The following ZNF492 variants were observed in gnomAD, a reference collection of about 807,000 sequenced individuals.
ZNF492 encodes zinc finger protein 492.
In ZNF492, 3 loss-of-function variants were observed where a neutral mutation model predicts 6.4. That is an observed-to-expected ratio of 0.47 (90% CI 0.21 to 1.22). The LOEUF is 1.22. ZNF492 is among the 50% of genes most tolerant of loss of function. The pLI is 0.22. For missense variants in ZNF492, 356 were observed against 612.5 expected (o/e 0.58, Z 4.42); for synonymous variants, 112 against 205.3 (o/e 0.55, Z 3.89).
rs191491073 is a variant in ZNF492, at chr19:22,654,054, A to T, written c.130+39A>T. 1,026 of 1,502,206 alleles carry T rather than the reference A, an allele frequency of 6.8e-4. 9 individuals carry two copies. The highest frequency in any genetic ancestry group is 5.3e-4 in the Middle Eastern group (3 of 5,704). 93.1% of individuals were successfully genotyped at this position (1,502,206 alleles called of 1,614,324 possible). On this transcript the variant is annotated intron_variant, in intron 3 of 3. Coordinates refer to ENST00000456783, the MANE Select transcript of ZNF492 (RefSeq NM_020855.3). ...AAAGTGAATACAACAGATGACACAG[A>T]TGAGAGCTCCAAAGTAGAAAAAAAA...
intron 1 of ZNF492, among the ~76,000 whole-genome samples, chr19:22,648,076 T>C (rs536751409): frequency 7.9e-4 from 121 of 152,300 alleles, no homozygotes; most frequent in Middle Eastern, 3.4e-3. Flanking sequence ...ATTTGAGATT[T>C]TTCTAGCTTT....
At chr19:22,657,092 A>T (rs1972003876) in intron 3 of ZNF492, among the ~76,000 whole-genome samples, 1 of 152,032 alleles carries the variant, frequency 6.6e-6, no homozygotes, top group Admixed American at 6.5e-5. Context: ...TTCTATTTCA[A>T]TTTTGTCAGT....
At position 22,659,710 on chromosome 19, in the gene ZNF492, G is replaced by A. The variant is rs555914029; in HGVS notation, c.131-4090G>A. Among the ~76,000 whole-genome samples the A allele has an allele frequency of 4.6e-3, 680 of 146,934 alleles. 10 individuals are homozygous for A. Among genetic ancestry groups the A allele is most frequent in the South Asian group, 6.5e-3 (30 of 4,606 alleles). The stretch of plus-strand genomic sequence containing the variant: ...AGACAGAGTCTCACTCTGTGTCCCA[G>A]GCTGGAGTGCAGTGGTGTGATCTCG... On this transcript the variant is annotated intron_variant, in intron 3 of 3. Coordinates refer to ENST00000456783, the MANE Select transcript of ZNF492 (RefSeq NM_020855.3).
At chr19:22,645,370 G>T (rs113332872) in intron 1 of ZNF492, among the ~76,000 whole-genome samples, 2 of 151,650 alleles carry the variant, frequency 1.3e-5, no homozygotes, top group African/African-American at 4.9e-5. Flanking sequence ...TGATGGAATT[G>T]TTTTTTTTCT....
chr19:22,658,667 T>G (rs1054660426), intron 3 of ZNF492, among the ~76,000 whole-genome samples: 5 of 141,292 alleles, frequency 3.5e-5, no homozygotes, highest in Admixed American at 7.0e-5. Flanking sequence ...ATTTCCTGCT[T>G]TTTTTCAAAC....
chr19:22,665,035 A>C lies in ZNF492; in HGVS notation c.1366A>C (p.Lys456Gln), dbSNP rs1972108127. ...EKPYKYEECG[K>Q]AFNQSSHLTT... ...GCCCTACAAATATGAAGAATGTGGC[A>C]AAGCTTTTAACCAGTCCTCACACCT... Residue 456 changes from lysine to glutamine, a missense_variant, in exon 4 of 4, where the codon AAA becomes CAA. By Grantham distance (53) the Lys-to-Gln change is moderately conservative (BLOSUM62 1). Coordinates refer to ENST00000456783, the MANE Select transcript of ZNF492 (RefSeq NM_020855.3). 1 of 1,589,704 alleles carries C rather than the reference A, an allele frequency of 6.3e-7. No homozygotes were observed. The highest frequency in any genetic ancestry group is 8.6e-7 in the Non-Finnish European group (1 of 1,169,130).
chr19:22,653,158 C>A (rs915642524), intron 1 of ZNF492, 149 bp from the exon 2 acceptor site: 28 of 923,954 alleles, frequency 3.0e-5, no homozygotes, highest in Non-Finnish European at 4.1e-5. Flanking sequence ...AGAGAATATA[C>A]TTCTGTGCTG....
rs377545608 is a variant in ZNF492 at position 22,645,204 on chromosome 19, G to A, written c.-93-8103G>A. The stretch of plus-strand genomic sequence containing the variant: ...TGGGACTACAGATACCCACCACCAC[G>A]CCCAGCTAATTTTTGTATTTTTAGT... On this transcript the variant is annotated intron_variant, in intron 1 of 3. Coordinates refer to ENST00000456783, the MANE Select transcript of ZNF492 (RefSeq NM_020855.3). Among the ~76,000 whole-genome samples, 34 of 151,698 alleles carry A rather than the reference G, an allele frequency of 2.2e-4. No homozygotes were observed. In the East Asian group the frequency reaches 2.3e-3, roughly 10 times the overall value.
At chr19:22,641,933 A>G (rs1445057566) in intron 1 of ZNF492, among the ~76,000 whole-genome samples, 3 of 152,064 alleles carry the variant, frequency 2.0e-5, no homozygotes, top group Admixed American at 6.6e-5. Flanking sequence ...AGCTAGGACT[A>G]CAGGCGCCTG....
intron 3 of ZNF492, among the ~76,000 whole-genome samples, chr19:22,658,020 C>T (rs117002163): frequency 5.3e-5 from 8 of 151,334 alleles, no homozygotes; most frequent in Middle Eastern, 3.2e-3. Context: ...TGTGACTTGA[C>T]GGTAATTTTT....
intron 1 of ZNF492, among the ~76,000 whole-genome samples, chr19:22,639,579 G>A (rs762855366): frequency 1.5e-4 from 23 of 151,740 alleles, no homozygotes; most frequent in Non-Finnish European, 2.2e-4. Context: ...GCGTGGTGGC[G>A]CATACCTTTA....
intron 3 of ZNF492, among the ~76,000 whole-genome samples, chr19:22,661,957 T>A (rs773542297): frequency 2.6e-5 from 4 of 152,170 alleles, no homozygotes; most frequent in Non-Finnish European, 5.9e-5. Flanking sequence ...GTCTTTCTGC[T>A]GCTGTAAAAC....
intron 1 of ZNF492, among the ~76,000 whole-genome samples, chr19:22,652,700 C>G (rs1450408987): frequency 2.0e-5 from 3 of 151,842 alleles, no homozygotes; most frequent in Non-Finnish European, 4.4e-5. Context: ...CTGCCTCAGC[C>G]TCCCGAGTAG....
Position 22,653,899 on chromosome 19 carries a change from A to G in ZNF492, c.35-21A>G, listed in dbSNP as rs749178343. ...TAATTGGAGAATATGAGCAAGATTC[A>G]TGTTATTTGTAATAAAACAGGTATT... On this transcript the variant is annotated intron_variant, in intron 2 of 3. Coordinates refer to ENST00000456783, the MANE Select transcript of ZNF492 (RefSeq NM_020855.3). The G allele has an allele frequency of 2.5e-6, 4 of 1,570,176 alleles. No individual in the cohort carries two copies. The South Asian group carries it at 3.6e-5, about 14-fold the overall frequency.
At position 22,666,004 on chromosome 19, in the gene ZNF492, A is replaced by G. The variant is rs1354563947; in HGVS notation, c.*739A>G. On this transcript the variant is annotated 3_prime_UTR_variant, in exon 4 of 4. Coordinates refer to ENST00000456783, the MANE Select transcript of ZNF492 (RefSeq NM_020855.3). ...GTTTATAACTTTAAAAGAGTAGAAG[A>G]TTTTTTGGAGAGTTACAAGTATACT... 5 of 152,104 alleles carry G rather than the reference A, an allele frequency of 3.3e-5. No individual in the cohort carries two copies. The South Asian group carries it at 1.0e-3, about 32-fold the overall frequency. 9.4% of individuals were successfully genotyped at this position (152,104 alleles called of 1,614,324 possible).
chr19:22,634,327 T>C lies in ZNF492; in HGVS notation c.-241T>C. The C allele has an allele frequency of 1.1e-6, 1 of 919,932 alleles. No individual in the cohort carries two copies. The highest frequency in any genetic ancestry group is 1.4e-5 in the South Asian group (1 of 69,944). 57.0% of individuals were successfully genotyped at this position (919,932 alleles called of 1,614,324 possible). A position where few individuals can be genotyped will look rare whatever the true frequency, so the allele number is the denominator to read the frequency against. ...GCGGCTTCCGGGATGTGGCGGGGTC[T>C]TTGTCTCTCGCTGCAGTCGGAGTAT... On this transcript the variant is annotated 5_prime_UTR_variant, in exon 1 of 4. Transcript: ENST00000456783.
At chr19:22,663,522 G>T (rs1429498907) in intron 3 of ZNF492, among the ~76,000 whole-genome samples, 2 of 152,088 alleles carry the variant, frequency 1.3e-5, no homozygotes, top group Admixed American at 1.3e-4. Flanking sequence ...TAGGGAAGCA[G>T]GAAGATCTGC....
intron 1 of ZNF492, among the ~76,000 whole-genome samples, chr19:22,649,498 C>T (rs1183631406): frequency 1.3e-5 from 2 of 152,080 alleles, no homozygotes; most frequent in African/African-American, 4.8e-5. Context: ...GGGAAGTTCT[C>T]CTGGATGATA....
rs1260260995 is a variant in ZNF492 at position 22,667,428 on chromosome 19, A to T, written c.*2163A>T. On this transcript the variant is annotated 3_prime_UTR_variant, in exon 4 of 4. Coordinates refer to ENST00000456783, the MANE Select transcript of ZNF492 (RefSeq NM_020855.3). ...TAGTTTTTTCAGGCATATAATATTTATGTTATATATGGCATATTCTGATAA... is the reference window on the plus strand; with the variant it reads ...TAGTTTTTTCAGGCATATAATATTTTTGTTATATATGGCATATTCTGATAA... 3 of 151,916 alleles carry T rather than the reference A, an allele frequency of 2.0e-5. No homozygotes were observed. The highest frequency in any genetic ancestry group is 7.3e-5 in the African/African-American group (3 of 41,366). The allele number at this position is 151,916 out of a possible 1,614,324, so 9.4% of individuals were successfully genotyped here. A position where few individuals can be genotyped will look rare whatever the true frequency, so the allele number is the denominator to read the frequency against.
Sources: allele counts gnomAD v4.1 joint callset (sites outside exome capture counted in the v4.1 genomes callset), GRCh38; gene constraint gnomAD v4.1.1; transcripts MANE v1.5; gene names NCBI Gene and HGNC (gene_info 2026-07-23, HGNC 2026-07-21).